Variants in GIMD1 observed in about 807,000 individuals in gnomAD.
The protein encoded by GIMD1 is GTPase IMAP family member GIMD1.
A neutral mutation model predicts 14.9 loss-of-function variants in GIMD1; 14 were observed. The ratio of observed to expected loss-of-function variants is 0.94; its 90% CI spans 0.62 to 1.47. GIMD1 has a LOEUF of 1.47. GIMD1 is among the 40% of genes most tolerant of loss of function. The probability of loss-of-function intolerance (pLI) is 0.00; values close to 1 mark genes in which losing one functional copy is unlikely to be tolerated. For synonymous variants in GIMD1, 91 were observed against 90.5 expected (o/e 1.01, Z -0.03); for missense variants, 272 against 255.3 (o/e 1.07, Z -0.44).
rs922202978 is a variant in GIMD1 at position 106,367,136 on chromosome 4, G to T, written c.300C>A (p.Phe100Leu). 1 of 1,535,320 alleles carries T rather than the reference G, an allele frequency of 6.5e-7. No homozygotes were observed. The highest frequency in any genetic ancestry group is 8.7e-7 in the Non-Finnish European group (1 of 1,146,440). The change falls in exon 2 of 3, where the codon TTC (phenylalanine) becomes TTA (leucine). Residue 100 changes from phenylalanine (F) to leucine (L), a missense_variant. Coordinates refer to ENST00000638719, the MANE Select transcript of GIMD1 (RefSeq NM_001195138.2). ...GTGCAAGGTGGAGACCCCCTTGCCC[G>T]AAGTGATGTGCCAGAGCCTCTTTGA... Reference protein sequence around the residue: ...QEVKEALAHHFGQGGLHLALL... With the variant: ...QEVKEALAHHLGQGGLHLALL...
At position 106,357,958 on chromosome 4, in the gene GIMD1, G is replaced by T; in HGVS notation, c.*225C>A. The T allele has an allele frequency of 2.5e-6, 1 of 402,008 alleles. No individual in the cohort carries two copies. The highest frequency in any genetic ancestry group is 4.5e-6 in the Non-Finnish European group (1 of 223,998). 24.9% of individuals were successfully genotyped at this position (402,008 alleles called of 1,614,324 possible). ...ACACAAATGTACACATTTATGTTGGGTATACACTTAGGAGTGTAATTGCTA... is the reference window on the plus strand; with the variant it reads ...ACACAAATGTACACATTTATGTTGGTTATACACTTAGGAGTGTAATTGCTA... On this transcript the variant is annotated 3_prime_UTR_variant, in exon 3 of 3. Coordinates refer to ENST00000638719, the MANE Select transcript of GIMD1 (RefSeq NM_001195138.2).
In GIMD1 at chr4:106,367,124, A is replaced by C; in HGVS notation, c.312T>G (p.Gly104=). 2 of 1,532,924 alleles carry C rather than the reference A, an allele frequency of 1.3e-6. No homozygotes were observed. Among genetic ancestry groups the C allele is most frequent in the Non-Finnish European group, 1.7e-6 (2 of 1,144,734 alleles). 95.0% of individuals were successfully genotyped at this position (1,532,924 alleles called of 1,614,324 possible). A position where few individuals can be genotyped will look rare whatever the true frequency, so the allele number is the denominator to read the frequency against. The change falls in exon 2 of 3, where the codon GGT becomes GGG. Residue 104 remains glycine (G), a synonymous_variant. Transcript: ENST00000638719. ...TCTGAACCAGGAGTGCAAGGTGGAG[A>C]CCCCCTTGCCCGAAGTGATGTGCCA... ...EALAHHFGQG[G]LHLALLVQRA...
intron 2 of GIMD1, among the ~76,000 whole-genome samples, chr4:106,359,147 T>G (rs1195789203): frequency 6.6e-6 from 1 of 151,956 alleles, no homozygotes; most frequent in Admixed American, 6.6e-5. Flanking sequence ...GTTTGATTAG[T>G]GAATATAAGC....
intron 2 of GIMD1, among the ~76,000 whole-genome samples, chr4:106,362,557 T>C (rs1287593896): frequency 1.9e-4 from 29 of 152,076 alleles, no homozygotes; most frequent in Admixed American, 1.8e-3. Context: ...ATAAACTTTG[T>C]TATCCAGGAA....
intron 2 of GIMD1, among the ~76,000 whole-genome samples, chr4:106,361,569 G>A (rs909336367): frequency 3.3e-5 from 5 of 152,024 alleles, no homozygotes; most frequent in Non-Finnish European, 4.4e-5. Context: ...ATCTCTGAAA[G>A]ATTATCAAAT....
At chr4:106,359,276 A>C (rs182348656) in intron 2 of GIMD1, among the ~76,000 whole-genome samples, 1 of 152,084 alleles carries the variant, frequency 6.6e-6, no homozygotes, top group East Asian at 1.9e-4. Flanking sequence ...ACAATGTGAC[A>C]ACAAAATAAC....
At chr4:106,366,039 G>A (rs1770694600) in intron 2 of GIMD1, among the ~76,000 whole-genome samples, 1 of 151,922 alleles carries the variant, frequency 6.6e-6, no homozygotes, top group Non-Finnish European at 1.5e-5. Context: ...CACAGTTGAA[G>A]ACTGTGAATA....
intron 2 of GIMD1, among the ~76,000 whole-genome samples, chr4:106,362,314 T>C (rs1369523933): frequency 1.3e-5 from 2 of 152,120 alleles, no homozygotes; most frequent in South Asian, 4.1e-4. Flanking sequence ...TGAATAGTCA[T>C]CACGTTAGTG....
chr4:106,368,500 C>T (rs753318323), intron 1 of GIMD1, among the ~76,000 whole-genome samples: 3 of 152,164 alleles, frequency 2.0e-5, no homozygotes, highest in South Asian at 2.1e-4. Context: ...TATACCCACA[C>T]GCTAACGTGA....
intron 2 of GIMD1, among the ~76,000 whole-genome samples, chr4:106,363,536 A>G (rs1770645887): frequency 6.6e-6 from 1 of 152,138 alleles, no homozygotes; most frequent in Non-Finnish European, 1.5e-5. Flanking sequence ...TCTGTGACCT[A>G]CTGTAAGTAG....
At chr4:106,359,168 C>T (rs546295344) in intron 2 of GIMD1, among the ~76,000 whole-genome samples, 1 of 151,990 alleles carries the variant, frequency 6.6e-6, no homozygotes, top group Non-Finnish European at 1.5e-5. Context: ...TGATATAAAG[C>T]AGAAGTAACA....
rs913147519 is a variant in GIMD1 at position 106,357,449 on chromosome 4, G to A, written c.*734C>T. The A allele has an allele frequency of 2.0e-5, 3 of 151,998 alleles. No homozygotes were observed. The highest frequency in any genetic ancestry group is 7.2e-5 in the African/African-American group (3 of 41,398). 9.4% of individuals were successfully genotyped at this position (151,998 alleles called of 1,614,324 possible). On this transcript the variant is annotated 3_prime_UTR_variant, in exon 3 of 3. Coordinates refer to ENST00000638719, the MANE Select transcript of GIMD1 (RefSeq NM_001195138.2). Reference sequence around the variant, plus strand: ...TTTTATTTAAATATAGCATATACAAGTAGTTTATAAATCACAAGTGTTTGT... The same window carrying A: ...TTTTATTTAAATATAGCATATACAAATAGTTTATAAATCACAAGTGTTTGT...
chr4:106,367,143 T>C lies in GIMD1; in HGVS notation c.293A>G (p.His98Arg), dbSNP rs1338958081. ...GTGGAGACCCCCTTGCCCGAAGTGA[T>C]GTGCCAGAGCCTCTTTGACTTCCTG... ...VKQEVKEALAHHFGQGGLHLA... is the reference protein window; with the variant it reads ...VKQEVKEALARHFGQGGLHLA... The change falls in exon 2 of 3, where the codon CAT (histidine) becomes CGT (arginine). Residue 98 changes from histidine (H) to arginine (R), a missense_variant. Physicochemically the swap from His to Arg is conservative, Grantham distance 29 (BLOSUM62 0). Transcript: ENST00000638719. 2.0e-6 allele frequency: 3 copies of C among 1,535,592 alleles called. No homozygotes were observed. Among genetic ancestry groups the C allele is most frequent in the African/African-American group, 2.7e-5 (2 of 72,960 alleles).
At chr4:106,360,055 C>A (rs1343509625) in intron 2 of GIMD1, among the ~76,000 whole-genome samples, 2 of 152,038 alleles carry the variant, frequency 1.3e-5, no homozygotes, top group African/African-American at 2.4e-5. Context: ...GGAATTTAGA[C>A]CCTCATTGTC....
At chr4:106,361,251 C>T (rs753196083) in intron 2 of GIMD1, among the ~76,000 whole-genome samples, 2 of 151,896 alleles carry the variant, frequency 1.3e-5, no homozygotes, top group Non-Finnish European at 2.9e-5. Context: ...TTTTTGTGTA[C>T]TAAATTAACT....
chr4:106,361,424 A>G (rs1326767497), intron 2 of GIMD1, among the ~76,000 whole-genome samples: 1 of 152,072 alleles, frequency 6.6e-6, no homozygotes, highest in Non-Finnish European at 1.5e-5. Flanking sequence ...CTTGCATGTG[A>G]TGATGCAGTC....
At chr4:106,361,206 C>A (rs1314742624) in intron 2 of GIMD1, among the ~76,000 whole-genome samples, 1 of 151,962 alleles carries the variant, frequency 6.6e-6, no homozygotes, top group Non-Finnish European at 1.5e-5. Context: ...AGGTGTGGAA[C>A]AAGACAGACA....
chr4:106,367,046 G>GATCAT lies in GIMD1; in HGVS notation c.385_389dup (p.Gln131Ter). 6.6e-7 allele frequency: 1 copy of GATCAT among 1,512,668 alleles called. No individual in the cohort carries two copies. Among genetic ancestry groups the GATCAT allele is most frequent in the Non-Finnish European group, 8.8e-7 (1 of 1,133,882 alleles). The allele number at this position is 1,512,668 out of a possible 1,614,324, so 93.7% of individuals were successfully genotyped here. On this transcript the variant is annotated stop_gained and frameshift_variant, in exon 2 of 3. Coordinates refer to ENST00000638719, the MANE Select transcript of GIMD1 (RefSeq NM_001195138.2). LOFTEE classifies it high-confidence loss of function. ...TGTAATTGCATCTTAGTATTACCTG[G>GATCAT]ATCATCTGGACTGGGTCAGTTACTT... is the stretch of plus-strand genomic sequence containing the variant.
At position 106,357,972 on chromosome 4, in the gene GIMD1, G is replaced by T. The variant is rs1010862476; in HGVS notation, c.*211C>A. 2.2e-6 allele frequency: 1 copy of T among 447,674 alleles called. No homozygotes were observed. The highest frequency in any genetic ancestry group is 4.0e-6 in the Non-Finnish European group (1 of 251,098). The allele number at this position is 447,674 out of a possible 1,614,324, so 27.7% of individuals were successfully genotyped here. The stretch of plus-strand genomic sequence containing the variant: ...ATTTATGTTGGGTATACACTTAGGA[G>T]TGTAATTGCTATGTCATGGGATTTG... On this transcript the variant is annotated 3_prime_UTR_variant, in exon 3 of 3. Coordinates refer to ENST00000638719, the MANE Select transcript of GIMD1 (RefSeq NM_001195138.2).
Sources: allele counts gnomAD v4.1 joint callset (sites outside exome capture counted in the v4.1 genomes callset), GRCh38; gene constraint gnomAD v4.1.1; transcripts MANE v1.5; gene names NCBI Gene and HGNC (gene_info 2026-07-23, HGNC 2026-07-21).